The following TBC1D19 variants were observed in gnomAD, a reference collection of about 807,000 sequenced individuals.
TBC1D19 encodes the protein TBC1 domain family member 19, also known as TBC1 domain family, member 19.
A neutral mutation model predicts 89.0 loss-of-function variants in TBC1D19; 60 were observed. The observed-to-expected ratio is 0.67, with a 90% CI of 0.55 to 0.84. The LOEUF (loss-of-function observed/expected upper bound fraction) is 0.84. Among genes scored for constraint, TBC1D19 ranks in the 40% least tolerant of loss-of-function variants. The pLI is 0.00. For missense variants in TBC1D19, 500 were observed against 610.8 expected (o/e 0.82, Z 1.91); for synonymous variants, 189 against 199.7 (o/e 0.95, Z 0.45).
At chr4:26,808,174 A>G in the TBC1D19 span, among the ~76,000 whole-genome samples, 1 of 152,242 alleles carries the variant, frequency 6.6e-6, no homozygotes, top group African/African-American at 2.4e-5. Flanking sequence ...AATAACAAGC[A>G]TGGGTTTTCT....
chr4:26,620,194 A>G (rs75938230), intron 3 of TBC1D19, among the ~76,000 whole-genome samples: 347 of 152,238 alleles, frequency 2.3e-3, no homozygotes, highest in African/African-American at 8.1e-3. Context: ...CTTCCCCCAG[A>G]TCTTTGCATG....
chr4:26,695,751 A>C (rs190655110), intron 13 of TBC1D19, among the ~76,000 whole-genome samples: 43 of 152,322 alleles, frequency 2.8e-4, no homozygotes, highest in Non-Finnish European at 4.7e-4. Context: ...TCATATCCAG[A>C]CAAACAAAGC....
chr4:26,683,834 A>T, intron 12 of TBC1D19, 85 bp downstream of exon 12: 1 of 1,067,516 alleles, frequency 9.4e-7, no homozygotes, highest in Non-Finnish European at 1.4e-6. Flanking sequence ...TGTGCTATGT[A>T]TGATATATAT....
intron 14 of TBC1D19, 89 bp downstream of exon 14, chr4:26,718,106 C>A: frequency 1.1e-6 from 1 of 942,102 alleles, no homozygotes; most frequent in Non-Finnish European, 1.6e-6. Flanking sequence ...GTGGTGTTGC[C>A]AAATTATTAT....
chr4:26,659,451 T>C (rs948257283), intron 7 of TBC1D19, 146 bp from the exon 8 acceptor site: 1 of 465,312 alleles, frequency 2.1e-6, no homozygotes, highest in Non-Finnish European at 3.9e-6. Context: ...TATACTTTTA[T>C]ACTATTTTAG....
intron 19 of TBC1D19, 118 bp from the exon 20 acceptor site, chr4:26,753,702 C>T (rs767133185): frequency 7.1e-6 from 7 of 982,874 alleles, no homozygotes; most frequent in African/African-American, 1.6e-5. Context: ...GGGTGTGGTC[C>T]GTTGTGTAAA....
chr4:26,841,202 C>A, the TBC1D19 span, among the ~76,000 whole-genome samples: 62,999 of 151,774 alleles, frequency 0.42, 13,952 homozygotes, highest in Middle Eastern at 0.64. Context: ...CATGGAGAAA[C>A]CAAAAATACA....
At chr4:26,767,118 C>T in the TBC1D19 span, among the ~76,000 whole-genome samples, 1 of 152,042 alleles carries the variant, frequency 6.6e-6, no homozygotes, top group Non-Finnish European at 1.5e-5. Context: ...TGTAATGAGT[C>T]ATGATCATGC....
intron 4 of TBC1D19, among the ~76,000 whole-genome samples, chr4:26,622,567 G>C (rs1742128076): frequency 6.6e-6 from 1 of 151,838 alleles, no homozygotes; most frequent in Admixed American, 6.6e-5. Flanking sequence ...ACAGCCCCTG[G>C]GCCAAATCCA....
At chr4:26,824,962 A>G in the TBC1D19 span, among the ~76,000 whole-genome samples, 1 of 152,236 alleles carries the variant, frequency 6.6e-6, no homozygotes, top group East Asian at 1.9e-4. Flanking sequence ...AAGGTTATTT[A>G]AATTTATAAC....
intron 15 of TBC1D19, among the ~76,000 whole-genome samples, chr4:26,726,863 T>A (rs989206892): frequency 1.3e-5 from 2 of 152,186 alleles, no homozygotes; most frequent in African/African-American, 2.4e-5. Flanking sequence ...ATATTTGGGG[T>A]ATTTTCTGAG....
the TBC1D19 span, among the ~76,000 whole-genome samples, chr4:26,774,148 C>T: frequency 6.6e-6 from 1 of 152,206 alleles, no homozygotes; most frequent in African/African-American, 2.4e-5. Context: ...TGAGACCATT[C>T]CCCACAGCTG....
intron 1 of TBC1D19, among the ~76,000 whole-genome samples, chr4:26,589,167 C>T (rs188210837): frequency 6.6e-6 from 1 of 151,958 alleles, no homozygotes; most frequent in Non-Finnish European, 1.5e-5. Context: ...CCCAACTACT[C>T]GGGAAGCTGA....
At chr4:26,785,352 G>A in the TBC1D19 span, among the ~76,000 whole-genome samples, 1 of 152,132 alleles carries the variant, frequency 6.6e-6, no homozygotes, top group African/African-American at 2.4e-5. Context: ...AATATGCAAA[G>A]GACTTCAGAG....
At chr4:26,620,561 A>G (rs1741977374) in intron 3 of TBC1D19, 52 bp from the exon 4 acceptor site, 3 of 1,488,052 alleles carry the variant, frequency 2.0e-6, no homozygotes, top group Non-Finnish European at 2.8e-6. Flanking sequence ...GGTAAGTAAT[A>G]TCTAACCAAG....
chr4:26,791,214 C>T, the TBC1D19 span, among the ~76,000 whole-genome samples: 2 of 152,192 alleles, frequency 1.3e-5, no homozygotes, highest in African/African-American at 4.8e-5. Flanking sequence ...TCAGACTTTT[C>T]TAGAGAAGAG....
In TBC1D19 at chr4:26,637,097, A is replaced by T. The variant is rs866303400; in HGVS notation, c.295-114A>T. On this transcript the variant is annotated intron_variant, in intron 4 of 20. Transcript: ENST00000264866. ...TTGTTGAGTGGACTAATAAATAAGGATAACCAATCTCAACCAGCCTTACCA... is the reference window on the plus strand; with the variant it reads ...TTGTTGAGTGGACTAATAAATAAGGTTAACCAATCTCAACCAGCCTTACCA... 5 of 716,936 alleles carry T rather than the reference A, an allele frequency of 7.0e-6. No homozygotes were observed. In the Middle Eastern group the frequency reaches 1.6e-3, roughly 229 times the overall value. The allele number at this position is 716,936 out of a possible 1,614,324, so 44.4% of individuals were successfully genotyped here. A position where few individuals can be genotyped will look rare whatever the true frequency, so the allele number is the denominator to read the frequency against.
the TBC1D19 span, among the ~76,000 whole-genome samples, chr4:26,786,502 C>T: frequency 4.6e-5 from 7 of 152,140 alleles, no homozygotes; most frequent in Admixed American, 6.5e-5. Context: ...GGCATGGTGG[C>T]CAGTGCCTGT....
chr4:26,753,760 A>T (rs1560514225), intron 19 of TBC1D19, 60 bp from the exon 20 acceptor site: 4 of 1,591,346 alleles, frequency 2.5e-6, no homozygotes, highest in Non-Finnish European at 3.4e-6. Context: ...ATAGCATAGC[A>T]GTAACCGTGC....
Sources: allele counts gnomAD v4.1 joint callset (sites outside exome capture counted in the v4.1 genomes callset), GRCh38; gene constraint gnomAD v4.1.1; transcripts MANE v1.5; gene names NCBI Gene and HGNC (gene_info 2026-07-23, HGNC 2026-07-21).